ATP2A3: variants seen among roughly 807,000 people sequenced by gnomAD.
The protein encoded by ATP2A3 is ATPase sarcoplasmic/endoplasmic reticulum Ca2+ transporting 3, also known as sarcoplasmic/endoplasmic reticulum calcium ATPase 3.
In ATP2A3, 61 loss-of-function variants were observed where a neutral mutation model predicts 106.8. That is an observed-to-expected ratio of 0.57 (90% CI 0.46 to 0.71). The LOEUF (loss-of-function observed/expected upper bound fraction) is 0.71, where lower values mean the gene tolerates loss of function less well. Ranked by LOEUF, ATP2A3 falls within the 30% of genes least tolerant of loss-of-function variation. ATP2A3 has a pLI of 0.00. For missense variants in ATP2A3, 1,201 were observed against 1,423.5 expected (o/e 0.84, Z 2.52); for synonymous variants, 611 against 609.3 (o/e 1.00, Z -0.04).
At chr17:3,935,533 G>A (rs2053390290) in intron 16 of ATP2A3, among the ~76,000 whole-genome samples, 2 of 128,822 alleles carry the variant, frequency 1.6e-5, no homozygotes, top group Non-Finnish European at 3.3e-5. Context: ...GGCCTGTTGA[G>A]ACTTTTTTTT....
intron 1 of ATP2A3, among the ~76,000 whole-genome samples, chr17:3,959,462 G>C (rs1421129177): frequency 2.6e-5 from 4 of 152,190 alleles, no homozygotes; most frequent in Admixed American, 6.5e-5. Flanking sequence ...TGCAGGCCAG[G>C]GCCCTGAGCC....
chr17:3,925,057 C>G lies in ATP2A3; in HGVS notation c.*365G>C, dbSNP rs1567669899. 1 of 469,794 alleles carries G rather than the reference C, an allele frequency of 2.1e-6. No homozygotes were observed. Among genetic ancestry groups the G allele is most frequent in the Non-Finnish European group, 3.9e-6 (1 of 253,954 alleles). 29.1% of individuals were successfully genotyped at this position (469,794 alleles called of 1,614,324 possible). ...CGTCCAGCTTCCGAACAAGGGGGAG[C>G]AAGCTCCAGCTGCACTCGTGATTTG... On this transcript the variant is annotated 3_prime_UTR_variant, in exon 21 of 21. Coordinates refer to ENST00000397041, the MANE Select transcript of ATP2A3 (RefSeq NM_005173.4). The surrounding 1 kb of genome is among the most constrained non-coding windows in gnomAD (Gnocchi z 4.2).
At position 3,936,793 on chromosome 17, in the gene ATP2A3, CA is replaced by C. The variant is rs1986925210; in HGVS notation, c.2322-325del. On this transcript the variant is annotated intron_variant, in intron 15 of 20. Transcript: ENST00000397041. This position sits in a 1 kb window ranked among gnomAD's most constrained non-coding sequence, Gnocchi z 5.4. ...GGCATGCCCAAGAATCAGACATGTGCAAAAACCTAGCACATGCCACACCATC... is the reference window on the plus strand; with the variant it reads ...GGCATGCCCAAGAATCAGACATGTGCAAAACCTAGCACATGCCACACCATC... 4.8e-6 allele frequency: 2 copies of C among 416,532 alleles called. No homozygotes were observed. Among genetic ancestry groups the C allele is most frequent in the African/African-American group, 2.0e-5 (1 of 49,178 alleles). The allele number at this position is 416,532 out of a possible 1,614,324, so 25.8% of individuals were successfully genotyped here. A position where few individuals can be genotyped will look rare whatever the true frequency, so the allele number is the denominator to read the frequency against.
At chr17:3,964,092 C>A in intron 1 of ATP2A3, 82 bp downstream of exon 1, 1 of 752,328 alleles carries the variant, frequency 1.3e-6, no homozygotes, top group Non-Finnish European at 1.7e-6. Context: ...CGCCCAGAGC[C>A]GGGTGGGGAG....
chr17:3,927,407 G>A, intron 20 of ATP2A3: 1 of 985,468 alleles, frequency 1.0e-6, no homozygotes, highest in Non-Finnish European at 1.2e-6. Context: ...CACCTGAGCT[G>A]TCATGTCCCC....
chr17:3,928,822 G>T lies in ATP2A3; in HGVS notation c.2863-42C>A. The stretch of plus-strand genomic sequence containing the variant: ...GGGAGGTTTGGTTAAAGGAAGGACT[G>T]GCTGTCCCGTGCCCCAGCCATCTGC... On this transcript the variant is annotated intron_variant, in intron 19 of 20. Transcript: ENST00000397041. The surrounding 1 kb of genome is among the most constrained non-coding windows in gnomAD (Gnocchi z 6.1). The T allele has an allele frequency of 6.8e-7, 1 of 1,478,594 alleles. No homozygotes were observed. The highest frequency in any genetic ancestry group is 9.2e-7 in the Non-Finnish European group (1 of 1,082,338). The allele number at this position is 1,478,594 out of a possible 1,614,324, so 91.6% of individuals were successfully genotyped here.
chr17:3,935,412 C>T, intron 16 of ATP2A3, 135 bp from the exon 17 acceptor site: 1 of 801,792 alleles, frequency 1.2e-6, no homozygotes, highest in Admixed American at 2.1e-5. Flanking sequence ...TTTGCAGGCA[C>T]CTCCCCTCGA....
chr17:3,937,192 C>T lies in ATP2A3; in HGVS notation c.2321+224G>A, dbSNP rs772313915. ...TGACAGGCGACTCTTCAGGCACCTC[C>T]GTGGGTGCTGGGGTGACCATGATCC... On this transcript the variant is annotated intron_variant, in intron 15 of 20. Coordinates refer to ENST00000397041, the MANE Select transcript of ATP2A3 (RefSeq NM_005173.4). 2.4e-4 allele frequency: 141 copies of T among 590,726 alleles called. 1 individual carries two copies. Among genetic ancestry groups the T allele is most frequent in the Non-Finnish European group, 3.7e-4 (122 of 333,066 alleles). 36.6% of individuals were successfully genotyped at this position (590,726 alleles called of 1,614,324 possible). A position where few individuals can be genotyped will look rare whatever the true frequency, so the allele number is the denominator to read the frequency against.
rs557346194 is a variant in ATP2A3, at chr17:3,940,570, T to C, written c.2100+401A>G. On this transcript the variant is annotated intron_variant, in intron 14 of 20. Transcript: ENST00000397041. ...TCACCCAGGCTGGAGTGCAGTGGCG[T>C]GATCTCGGCTCACTGCAACCTCTGC... is the stretch of plus-strand genomic sequence containing the variant. 2.0e-3 allele frequency among the ~76,000 whole-genome samples: 307 copies of C among 152,304 alleles called. 3 individuals carry two copies. Among genetic ancestry groups the C allele is most frequent in the African/African-American group, 7.0e-3 (289 of 41,568 alleles).
chr17:3,945,777 C>T (rs901995131), intron 8 of ATP2A3, among the ~76,000 whole-genome samples: 1 of 152,210 alleles, frequency 6.6e-6, no homozygotes, highest in Non-Finnish European at 1.5e-5. Flanking sequence ...GTTCTTGCTT[C>T]GTGGACATGG....
At chr17:3,961,486 T>A (rs1190671311) in intron 1 of ATP2A3, among the ~76,000 whole-genome samples, 1 of 149,504 alleles carries the variant, frequency 6.7e-6, no homozygotes, top group African/African-American at 2.5e-5. Flanking sequence ...GCTCCCCAGC[T>A]CTGAAGTGTC....
intron 15 of ATP2A3, 41 bp downstream of exon 15, chr17:3,937,375 G>A: frequency 1.3e-6 from 2 of 1,592,184 alleles, no homozygotes; most frequent in Non-Finnish European, 1.7e-6. Flanking sequence ...GGGGCACAGA[G>A]CGGATTGAGA....
intron 17 of ATP2A3, among the ~76,000 whole-genome samples, chr17:3,932,008 T>C (rs945173444): frequency 6.6e-6 from 1 of 152,206 alleles, no homozygotes; most frequent in Non-Finnish European, 1.5e-5. Context: ...GGAAGAGAAA[T>C]AAGCCTGGCT....
At position 3,947,970 on chromosome 17, in the gene ATP2A3, T is replaced by A. The variant is rs544311202; in HGVS notation, c.631-115A>T. 1 of 1,057,964 alleles carries A rather than the reference T, an allele frequency of 9.5e-7. No homozygotes were observed. Among genetic ancestry groups the A allele is most frequent in the South Asian group, 1.4e-5 (1 of 71,344 alleles). 65.5% of individuals were successfully genotyped at this position (1,057,964 alleles called of 1,614,324 possible). On this transcript the variant is annotated intron_variant, in intron 7 of 20. Coordinates refer to ENST00000397041, the MANE Select transcript of ATP2A3 (RefSeq NM_005173.4). This position sits in a 1 kb window ranked among gnomAD's most constrained non-coding sequence, Gnocchi z 7.7. ...ATCCTTCTACCCGGCTTTCCTTTTC[T>A]CCATGTTGCTAGTGCTTCCAGACTC...
intron 1 of ATP2A3, among the ~76,000 whole-genome samples, chr17:3,958,903 T>A (rs1467654736): frequency 6.1e-5 from 9 of 148,232 alleles, no homozygotes; most frequent in East Asian, 2.0e-4. Flanking sequence ...TATATATTGT[T>A]TTTTTTCAGA....
intron 11 of ATP2A3, among the ~76,000 whole-genome samples, chr17:3,943,183 A>G (rs1490796912): frequency 6.6e-6 from 1 of 152,030 alleles, no homozygotes. Flanking sequence ...GAGGCACGAG[A>G]ATCACTTGAA....
chr17:3,944,639 CT>C lies in ATP2A3; in HGVS notation c.1287+64del. 1.9e-6 allele frequency: 3 copies of C among 1,544,696 alleles called. No homozygotes were observed. The Admixed American group carries it at 5.6e-5, about 29-fold the overall frequency. ...GCTGCCAACCCTGGGAGCTTTGAGG[CT>C]GGGAAAAGGGTCTGTCCTGGTCGCC... On this transcript the variant is annotated intron_variant, in intron 10 of 20. Transcript: ENST00000397041.
chr17:3,931,523 C>CTTT (rs368874628), intron 17 of ATP2A3, among the ~76,000 whole-genome samples: 2 of 140,466 alleles, frequency 1.4e-5, no homozygotes, highest in African/African-American at 2.6e-5. Context: ...GATCTTTTTT[C>CTTT]TTTTTTTTTT....
At chr17:3,933,417 G>A (rs188432732) in intron 17 of ATP2A3, among the ~76,000 whole-genome samples, 9 of 151,398 alleles carry the variant, frequency 5.9e-5, no homozygotes, top group Admixed American at 4.6e-4. Context: ...ATAGGTCTCG[G>A]TGTGGCCTCT....
Sources: gnomAD v4.1 joint callset for allele counts (sites outside exome capture counted in the v4.1 genomes callset) on GRCh38, gnomAD v4.1.1 for gene constraint, Gnocchi (gnomAD v3.1) non-coding constraint, MANE v1.5 for transcripts, NCBI Gene and HGNC (gene_info 2026-07-23, HGNC 2026-07-21) for gene names.